The following ARHGAP15 variants were observed in gnomAD, a reference collection of about 807,000 sequenced individuals.
ARHGAP15 encodes the protein Rho GTPase activating protein 15.
ARHGAP15 carries 51 observed loss-of-function variants against 63.7 expected under a neutral mutation model. The observed-to-expected ratio is 0.80, with a 90% CI of 0.64 to 1.01. The LOEUF is 1.01. Ranked by LOEUF, ARHGAP15 falls within the 50% of genes least tolerant of loss-of-function variation. The pLI, the probability that ARHGAP15 is intolerant of heterozygous loss-of-function variation, is 0.00. For synonymous variants in ARHGAP15, 191 were observed against 193.8 expected (o/e 0.99, Z 0.12); for missense variants, 560 against 564.6 (o/e 0.99, Z 0.08).
chr2:143,540,110 A>G (rs925859225), intron 10 of ARHGAP15, among the ~76,000 whole-genome samples: 23 of 152,142 alleles, frequency 1.5e-4, no homozygotes, highest in Non-Finnish European at 3.2e-4. Context: ...CTTCTTGTTG[A>G]ATTGATCCCT....
intron 6 of ARHGAP15, among the ~76,000 whole-genome samples, chr2:143,415,859 T>G (rs1389020997): frequency 2.0e-5 from 3 of 152,048 alleles, no homozygotes; most frequent in Non-Finnish European, 4.4e-5. Context: ...TTATTCCAAG[T>G]GAAGTAACTC....
chr2:143,763,172 G>C (rs780862533), intron 13 of ARHGAP15, among the ~76,000 whole-genome samples: 1 of 151,984 alleles, frequency 6.6e-6, no homozygotes, highest in Non-Finnish European at 1.5e-5. Context: ...AAAAAAAATA[G>C]GTAATAATTA....
chr2:143,404,912 C>A (rs1688133346), intron 6 of ARHGAP15, among the ~76,000 whole-genome samples: 1 of 151,976 alleles, frequency 6.6e-6, no homozygotes, highest in Non-Finnish European at 1.5e-5. Context: ...CACATTAAAA[C>A]AGAGACAGAT....
At chr2:143,675,024 G>A (rs1457050808) in intron 12 of ARHGAP15, among the ~76,000 whole-genome samples, 1 of 152,182 alleles carries the variant, frequency 6.6e-6, no homozygotes, top group Non-Finnish European at 1.5e-5. Context: ...CAGTAGAACT[G>A]CTTTCAAAAT....
At position 143,132,349 on chromosome 2, in the gene ARHGAP15, C is replaced by T. The variant is rs142736030; in HGVS notation, c.-15+2883C>T. On this transcript the variant is annotated intron_variant, in intron 1 of 13. Coordinates refer to ENST00000295095, the MANE Select transcript of ARHGAP15 (RefSeq NM_018460.4). ...TCAGGAATGGCTGGATCCAGGAGCTCACACAGGATTATCAGGAGTAGGTCT... is the reference window on the plus strand; with the variant it reads ...TCAGGAATGGCTGGATCCAGGAGCTTACACAGGATTATCAGGAGTAGGTCT... 2.0e-3 allele frequency among the ~76,000 whole-genome samples: 301 copies of T among 152,300 alleles called. 3 individuals are homozygous for T. The East Asian group carries it at 0.051, about 26-fold the overall frequency.
At chr2:143,449,758 T>C (rs954649420) in intron 8 of ARHGAP15, among the ~76,000 whole-genome samples, 2 of 152,204 alleles carry the variant, frequency 1.3e-5, no homozygotes, top group South Asian at 4.1e-4. Flanking sequence ...GAGATTTCAC[T>C]TACTGGGAAG....
intron 6 of ARHGAP15, among the ~76,000 whole-genome samples, chr2:143,309,095 G>A (rs1683318237): frequency 6.6e-6 from 1 of 151,908 alleles, no homozygotes; most frequent in Non-Finnish European, 1.5e-5. Flanking sequence ...ACTGTTAATA[G>A]AAAAATTAGA....
rs1574014642 is a variant in ARHGAP15 at position 143,151,606 on chromosome 2, A to G, written c.-14-3871A>G. ...AGAGGTAAGAAAGAATGGATGATGGAAATTTTTATAAATTTTGACACTGTA... is the reference window on the plus strand; with the variant it reads ...AGAGGTAAGAAAGAATGGATGATGGGAATTTTTATAAATTTTGACACTGTA... On this transcript the variant is annotated intron_variant, in intron 1 of 13. Transcript: ENST00000295095. 2.0e-5 allele frequency among the ~76,000 whole-genome samples: 3 copies of G among 152,100 alleles called. No individual in the cohort carries two copies. The South Asian group carries it at 6.2e-4, about 31-fold the overall frequency.
intron 13 of ARHGAP15, among the ~76,000 whole-genome samples, chr2:143,759,883 G>C (rs1472506802): frequency 1.3e-5 from 2 of 152,148 alleles, no homozygotes; most frequent in African/African-American, 4.8e-5. Context: ...CAATAAAAGA[G>C]AATCTCTGGG....
chr2:143,294,611 G>T (rs1219171639), intron 6 of ARHGAP15, among the ~76,000 whole-genome samples: 1 of 151,980 alleles, frequency 6.6e-6, no homozygotes, highest in East Asian at 1.9e-4. Flanking sequence ...GAGGAGGAGG[G>T]TCCTACTTAG....
In ARHGAP15 at chr2:143,763,690, A is replaced by G. The variant is rs544551793; in HGVS notation, c.1245-4299A>G. On this transcript the variant is annotated intron_variant, in intron 13 of 13. Transcript: ENST00000295095. The stretch of plus-strand genomic sequence containing the variant: ...GCATATATATGCAAATTGCATATGT[A>G]TATGTATGTGTATGTATATGTGTAT... 2.4e-4 allele frequency among the ~76,000 whole-genome samples: 35 copies of G among 148,016 alleles called. No individual in the cohort carries two copies. In the South Asian group the frequency reaches 4.4e-3, roughly 19 times the overall value.
At chr2:143,286,675 A>G (rs1053210163) in intron 6 of ARHGAP15, among the ~76,000 whole-genome samples, 3 of 152,244 alleles carry the variant, frequency 2.0e-5, no homozygotes, top group African/African-American at 7.2e-5. Flanking sequence ...CAGGAATCAA[A>G]GGATTTAGTA....
In ARHGAP15 at chr2:143,206,272, C is replaced by T. The variant is rs117147917; in HGVS notation, c.234+4070C>T. The stretch of plus-strand genomic sequence containing the variant: ...ATGACTTGTATTTTCTTTATTATAT[C>T]GTACTTCTACTTAGATTGCTTTTGG... On this transcript the variant is annotated intron_variant, in intron 3 of 13. Coordinates refer to ENST00000295095, the MANE Select transcript of ARHGAP15 (RefSeq NM_018460.4). Among the ~76,000 whole-genome samples, 186 of 152,122 alleles carry T rather than the reference C, an allele frequency of 1.2e-3. 1 individual carries two copies. The East Asian group carries it at 0.023, about 19-fold the overall frequency.
intron 8 of ARHGAP15, among the ~76,000 whole-genome samples, chr2:143,445,856 G>A (rs1002519482): frequency 4.6e-5 from 7 of 152,168 alleles, no homozygotes; most frequent in African/African-American, 1.4e-4. Context: ...AAAAGAAAAA[G>A]AAACTCTGTA....
chr2:143,486,085 G>T (rs1053085268), intron 8 of ARHGAP15, among the ~76,000 whole-genome samples: 2 of 152,096 alleles, frequency 1.3e-5, no homozygotes, highest in Non-Finnish European at 2.9e-5. Flanking sequence ...TTCTTTGCCA[G>T]TTATAGAGAG....
At chr2:143,361,024 C>T (rs1417730736) in intron 6 of ARHGAP15, among the ~76,000 whole-genome samples, 2 of 152,144 alleles carry the variant, frequency 1.3e-5, no homozygotes, top group Non-Finnish European at 2.9e-5. Context: ...TGTCTCAGAA[C>T]ATTACCACCA....
chr2:143,744,364 T>C (rs1312439519), intron 13 of ARHGAP15, among the ~76,000 whole-genome samples: 2 of 152,258 alleles, frequency 1.3e-5, no homozygotes, highest in Admixed American at 6.5e-5. Flanking sequence ...GCTGGATGAC[T>C]ACCGCTACTT....
At chr2:143,637,219 T>C (rs888853208) in intron 12 of ARHGAP15, among the ~76,000 whole-genome samples, 1 of 152,146 alleles carries the variant, frequency 6.6e-6, no homozygotes, top group African/African-American at 2.4e-5. Context: ...TGGACCGTTT[T>C]ATTTGCACAA....
In ARHGAP15 at chr2:143,303,035, G is replaced by A. The variant is rs557755987; in HGVS notation, c.474+52435G>A. On this transcript the variant is annotated intron_variant, in intron 6 of 13. Transcript: ENST00000295095. ...GAAAGTATGAATTAAAGACTTAAATGTAAGACCTAAACCCATAAAAACCCT... is the reference window on the plus strand; with the variant it reads ...GAAAGTATGAATTAAAGACTTAAATATAAGACCTAAACCCATAAAAACCCT... Among the ~76,000 whole-genome samples, 8 of 152,104 alleles carry A rather than the reference G, an allele frequency of 5.3e-5. No homozygotes were observed. In the East Asian group the frequency reaches 1.4e-3, roughly 26 times the overall value.
Sources: allele counts gnomAD v4.1 joint callset (sites outside exome capture counted in the v4.1 genomes callset), GRCh38; gene constraint gnomAD v4.1.1; transcripts MANE v1.5; gene names NCBI Gene and HGNC (gene_info 2026-07-23, HGNC 2026-07-21).